PPEF2: variants seen among roughly 807,000 people sequenced by gnomAD.
PPEF2 encodes the protein serine/threonine-protein phosphatase with EF-hands 2.
Under a neutral mutation model 84.7 loss-of-function variants are expected in PPEF2, and 84 were observed. The observed-to-expected ratio is 0.99, with a 90% confidence interval of 0.83 to 1.19. The LOEUF (loss-of-function observed/expected upper bound fraction) is 1.19, where lower values mean the gene tolerates loss of function less well. Ranked by LOEUF, PPEF2 falls within the 50% of genes most tolerant of loss-of-function variation. The pLI, the probability that PPEF2 is intolerant of heterozygous loss-of-function variation, is 0.00. For missense variants in PPEF2, 924 were observed against 937.5 expected, an observed-to-expected ratio of 0.99 and a Z score of 0.19; for synonymous variants, 346 against 345.2, an observed-to-expected ratio of 1.00 and a Z score of -0.03.
At chr4:75,883,858 G>A (rs1443346031) in intron 8 of PPEF2, among the ~76,000 whole-genome samples, 4 of 151,126 alleles carry the variant, frequency 2.6e-5, no homozygotes, top group South Asian at 2.1e-4. Flanking sequence ...GGCTGGACAC[G>A]GTGGCTCATG....
chr4:75,888,298 A>G lies in PPEF2; in HGVS notation c.448T>C (p.Leu150=), dbSNP rs765722465. 5.3e-5 allele frequency: 86 copies of G among 1,613,936 alleles called. No homozygotes were observed. The highest frequency in any genetic ancestry group is 7.1e-5 in the Non-Finnish European group (84 of 1,179,932). The change falls in exon 6 of 17, where the codon TTG becomes CTG. Residue 150 remains leucine, a synonymous_variant. Transcript: ENST00000286719. The stretch of plus-strand genomic sequence containing the variant: ...ACCAGATGTTTCTTGGTTTCATACA[A>G]AAGGTTCAAGACGTAGCGAGCATGG... ...QLHARYVLNL[L]YETKKHLVQL...
intron 5 of PPEF2, chr4:75,889,334 T>G (rs1724818614): frequency 6.6e-6 from 1 of 152,510 alleles, no homozygotes. Flanking sequence ...GGCTCCCTCT[T>G]CTCCAGCCAC....
At chr4:75,864,583 T>C (rs1394915) in intron 15 of PPEF2, 56 bp from the exon 16 acceptor site, 1,327,825 of 1,330,164 alleles carry the variant, frequency 1, 662,783 homozygotes, top group East Asian at 1. Context: ...TGTTCCAATA[T>C]ATAATTAACA....
intron 11 of PPEF2, among the ~76,000 whole-genome samples, chr4:75,873,779 T>TA (rs1048268896): frequency 2.5e-4 from 38 of 152,162 alleles, no homozygotes; most frequent in African/African-American, 9.2e-4. Flanking sequence ...TTTTATTTCT[T>TA]AAAGTAGTTT....
At position 75,890,129 on chromosome 4, in the gene PPEF2, T is replaced by G; in HGVS notation, c.245A>C (p.Asp82Ala). 6.2e-7 allele frequency: 1 copy of G among 1,613,780 alleles called. No homozygotes were observed. Among genetic ancestry groups the G allele is most frequent in the Non-Finnish European group, 8.5e-7 (1 of 1,179,910 alleles). ...HFIPSSHNDR[D>A]FLTRIFTEDR... The stretch of plus-strand genomic sequence containing the variant: ...CTCAGTGAATATGCGGGTCAGGAAG[T>G]CCCCTAGTCCAGATAGAAAAGGTGG... The change falls in exon 5 of 17, where the codon GAC becomes GCC. Residue 82 changes from aspartate (D) to alanine (A), a missense_variant. By Grantham distance (126) the Asp-to-Ala change is moderately radical. Transcript: ENST00000286719.
Position 75,866,235 on chromosome 4 carries a change from T to C in PPEF2, c.1874A>G (p.Tyr625Cys). 2 of 1,614,128 alleles carry C rather than the reference T, an allele frequency of 1.2e-6. No individual in the cohort carries two copies. The highest frequency in any genetic ancestry group is 1.7e-6 in the Non-Finnish European group (2 of 1,180,002). Residue 625 changes from tyrosine to cysteine, a missense_variant, in exon 15 of 17, where the codon TAC becomes TGC. Tyr to Cys is a radical substitution (Grantham distance 194). Coordinates refer to ENST00000286719, the MANE Select transcript of PPEF2 (RefSeq NM_006239.3). Reference sequence around the variant, plus strand: ...GGCCAAGTTCTTCAGCCAAGACTTGTACTCCAGCATGTTGTCTGCTGAGCT... The same window carrying C: ...GGCCAAGTTCTTCAGCCAAGACTTGCACTCCAGCATGTTGTCTGCTGAGCT... ...VNSSADNMLE[Y>C]KSWLKNLAKE...
chr4:75,872,763 A>T lies in PPEF2; in HGVS notation c.1506+364T>A, dbSNP rs957663355. Among the ~76,000 whole-genome samples, 3 of 152,366 alleles carry T rather than the reference A, an allele frequency of 2.0e-5. No homozygotes were observed. In the East Asian group the frequency reaches 5.8e-4, roughly 29 times the overall value. Reference sequence around the variant, plus strand: ...TATTGTAGGATTTGGAGATGTCCAAAGATTAGTCAGGATGTTAATTGTGCT... The same window carrying T: ...TATTGTAGGATTTGGAGATGTCCAATGATTAGTCAGGATGTTAATTGTGCT... On this transcript the variant is annotated intron_variant, in intron 12 of 16. Transcript: ENST00000286719.
At chr4:75,862,292 C>CAAAAAAAA (rs545540824) in intron 16 of PPEF2, among the ~76,000 whole-genome samples, 1 of 77,386 alleles carries the variant, frequency 1.3e-5, no homozygotes, top group African/African-American at 4.9e-5. Context: ...GACTCCATCT[C>CAAAAAAAA]AAAAAAAAAA....
At chr4:75,884,513 C>A in intron 8 of PPEF2, 81 bp downstream of exon 8, 7 of 1,402,196 alleles carry the variant, frequency 5.0e-6, no homozygotes, top group South Asian at 4.5e-5. Context: ...AGGCATTTAA[C>A]AAATAAGAAG....
rs1400078254 is a variant in PPEF2, at chr4:75,860,574, C to T, written c.*93G>A. The T allele has an allele frequency of 2.0e-6, 3 of 1,499,650 alleles. No individual in the cohort carries two copies. The highest frequency in any genetic ancestry group is 4.6e-5 in the East Asian group (2 of 43,868). 92.9% of individuals were successfully genotyped at this position (1,499,650 alleles called of 1,614,324 possible). ...TGCATATGGATAGGTAAATTTTCAG[C>T]ATAAAGTTTCACATGGAGAATAAGG... On this transcript the variant is annotated 3_prime_UTR_variant, in exon 17 of 17. Transcript: ENST00000286719.
chr4:75,892,404 A>G (rs1047300950), intron 2 of PPEF2, among the ~76,000 whole-genome samples: 4 of 152,162 alleles, frequency 2.6e-5, no homozygotes, highest in African/African-American at 7.2e-5. Flanking sequence ...ATGTCAGGAC[A>G]CCTGGGATCT....
intron 7 of PPEF2, among the ~76,000 whole-genome samples, chr4:75,886,522 T>C (rs2149224493): frequency 6.6e-6 from 1 of 152,186 alleles, no homozygotes; most frequent in Non-Finnish European, 1.5e-5. Flanking sequence ...CTACTGAAAG[T>C]CAGCCCTCGA....
intron 1 of PPEF2, among the ~76,000 whole-genome samples, chr4:75,897,769 T>C (rs746951745): frequency 6.6e-6 from 1 of 152,058 alleles, no homozygotes; most frequent in Non-Finnish European, 1.5e-5. Context: ...AGAGCAAGAC[T>C]CTGCCTAAAA....
rs201202030 is a variant in PPEF2, at chr4:75,872,064, T to C, written c.1610A>G (p.Gln537Arg). 449 of 1,613,590 alleles carry C rather than the reference T, an allele frequency of 2.8e-4. 2 individuals carry two copies. The highest frequency in any genetic ancestry group is 3.5e-4 in the Non-Finnish European group (416 of 1,179,838). The stretch of plus-strand genomic sequence containing the variant: ...GAGTGTGTGGGTCACCTTGTTAGCT[T>C]GATACTGCACAATATGTGGGGTCAG... Reference protein sequence around the residue: ...PALTPHIVQYQANKVTHTLTM... With the variant: ...PALTPHIVQYRANKVTHTLTM... Residue 537 changes from glutamine to arginine, a missense_variant, in exon 13 of 17, where the codon CAA (glutamine) becomes CGA (arginine). Transcript: ENST00000286719.
chr4:75,900,991 T>A (rs1286695654), intron 1 of PPEF2, among the ~76,000 whole-genome samples: 1 of 152,226 alleles, frequency 6.6e-6, no homozygotes, highest in East Asian at 1.9e-4. Context: ...TACACCAAGC[T>A]ATTAACAGTA....
Position 75,860,568 on chromosome 4 carries a change from T to C in PPEF2, c.*99A>G. On this transcript the variant is annotated 3_prime_UTR_variant, in exon 17 of 17. Coordinates refer to ENST00000286719, the MANE Select transcript of PPEF2 (RefSeq NM_006239.3). ...TTCTGATGCATATGGATAGGTAAAT[T>C]TTCAGCATAAAGTTTCACATGGAGA... 6.8e-7 allele frequency: 1 copy of C among 1,479,590 alleles called. No individual in the cohort carries two copies. Among genetic ancestry groups the C allele is most frequent in the East Asian group, 2.3e-5 (1 of 43,650 alleles). The allele number at this position is 1,479,590 out of a possible 1,614,324, so 91.7% of individuals were successfully genotyped here. A position where few individuals can be genotyped will look rare whatever the true frequency, so the allele number is the denominator to read the frequency against.
At chr4:75,878,370 AGG>A (rs995696819) in intron 10 of PPEF2, among the ~76,000 whole-genome samples, 1 of 152,210 alleles carries the variant, frequency 6.6e-6, no homozygotes, top group African/African-American at 2.4e-5. Context: ...GTGAACCCCG[AGG>A]GGGAAGACTT....
intron 16 of PPEF2, among the ~76,000 whole-genome samples, chr4:75,862,541 A>G (rs1577999129): frequency 6.6e-6 from 1 of 152,280 alleles, no homozygotes; most frequent in East Asian, 1.9e-4. Context: ...CAATAAGCAC[A>G]TGAAAATGTT....
At position 75,884,576 on chromosome 4, in the gene PPEF2, G is replaced by C. The variant is rs745622915; in HGVS notation, c.746+18C>G. On this transcript the variant is annotated intron_variant, in intron 8 of 16. Transcript: ENST00000286719. ...CAACAAACAAACATCAAATACTCAA[G>C]CATGTTTTGACTTGTACCGTAAGTT... 3.2e-6 allele frequency: 5 copies of C among 1,556,714 alleles called. No individual in the cohort carries two copies. In the South Asian group the frequency reaches 6.0e-5, roughly 19 times the overall value.
Sources: gnomAD v4.1 joint callset for allele counts (sites outside exome capture counted in the v4.1 genomes callset) on GRCh38, gnomAD v4.1.1 for gene constraint, MANE v1.5 for transcripts, NCBI Gene and HGNC (gene_info 2026-07-23, HGNC 2026-07-21) for gene names.